The following TUSC3 variants were observed in gnomAD, a reference collection of about 807,000 sequenced individuals.
TUSC3 encodes the protein dolichyl-diphosphooligosaccharide--protein glycosyltransferase subunit TUSC3.
Under a neutral mutation model 44.8 loss-of-function variants are expected in TUSC3, and 45 were observed. That is an observed-to-expected ratio of 1.00 (90% confidence interval 0.79 to 1.29). The LOEUF (loss-of-function observed/expected upper bound fraction) is 1.29, where lower values mean the gene tolerates loss of function less well. Among genes scored for constraint, TUSC3 ranks in the 50% most tolerant of loss-of-function variants. The pLI is 0.00. For synonymous variants in TUSC3, 212 were observed against 152.9 expected (o/e 1.39, Z -2.85); for missense variants, 519 against 437.9 (o/e 1.19, Z -1.65).
intron 1 of TUSC3, among the ~76,000 whole-genome samples, chr8:15,556,693 A>G (rs1477213529): frequency 6.9e-6 from 1 of 145,220 alleles, no homozygotes; most frequent in Non-Finnish European, 1.5e-5. Context: ...AATGATTGCC[A>G]CTCTAACTGG....
intron 2 of TUSC3, among the ~76,000 whole-genome samples, chr8:15,511,390 G>A (rs1801133947): frequency 6.6e-6 from 1 of 152,084 alleles, no homozygotes; most frequent in Non-Finnish European, 1.5e-5. Context: ...AAATGTGATG[G>A]AATATACAAA....
chr8:15,636,683 C>T (rs1264334606), intron 2 of TUSC3, among the ~76,000 whole-genome samples: 1 of 152,160 alleles, frequency 6.6e-6, no homozygotes, highest in African/African-American at 2.4e-5. Context: ...TGCAGTGCAG[C>T]CTGTTGCATT....
intron 1 of TUSC3, among the ~76,000 whole-genome samples, chr8:15,586,865 G>A (rs565560611): frequency 9.2e-5 from 14 of 152,134 alleles, no homozygotes; most frequent in African/African-American, 3.4e-4. Context: ...GGCGTTATTG[G>A]GAACTTCCTG....
the TUSC3 span, among the ~76,000 whole-genome samples, chr8:15,817,614 C>A: frequency 3.9e-5 from 6 of 152,246 alleles, no homozygotes; most frequent in East Asian, 7.8e-4. Flanking sequence ...CACCTCTGCT[C>A]TGCACTTCTT....
intron 2 of TUSC3, among the ~76,000 whole-genome samples, chr8:15,523,094 A>C (rs2129129723): frequency 6.6e-6 from 1 of 152,264 alleles, no homozygotes; most frequent in Non-Finnish European, 1.5e-5. Flanking sequence ...AGTGCTACTA[A>C]GTCAATAAAG....
At chr8:15,627,602 G>T (rs73526629) in intron 2 of TUSC3, among the ~76,000 whole-genome samples, 1 of 152,252 alleles carries the variant, frequency 6.6e-6, no homozygotes, top group African/African-American at 2.4e-5. Flanking sequence ...AGCTTCCTGA[G>T]CCAGGGCTGT....
chr8:15,775,888 G>T, the TUSC3 span, among the ~76,000 whole-genome samples: 35,784 of 151,256 alleles, frequency 0.24, 4,711 homozygotes, highest in Admixed American at 0.42. Context: ...GCTTATTAGT[G>T]TGGAAAGCAA....
At chr8:15,620,375 G>A (rs1805191804) in intron 1 of TUSC3, among the ~76,000 whole-genome samples, 1 of 152,088 alleles carries the variant, frequency 6.6e-6, no homozygotes, top group Non-Finnish European at 1.5e-5. Context: ...ATTTGTAATG[G>A]GAAAATTACA....
At chr8:15,693,960 C>G (rs1809034141) in intron 6 of TUSC3, among the ~76,000 whole-genome samples, 1 of 152,026 alleles carries the variant, frequency 6.6e-6, no homozygotes, top group African/African-American at 2.4e-5. Flanking sequence ...TTCTGAAATT[C>G]TCTGAGTTTT....
chr8:15,823,469 T>C, the TUSC3 span, among the ~76,000 whole-genome samples: 2 of 152,204 alleles, frequency 1.3e-5, no homozygotes, highest in Non-Finnish European at 2.9e-5. Flanking sequence ...TCTCTAAGTT[T>C]CCCTAAATTT....
At chr8:15,457,197 T>TA (rs1800268225) in intron 1 of TUSC3, among the ~76,000 whole-genome samples, 1 of 148,902 alleles carries the variant, frequency 6.7e-6, no homozygotes, top group Non-Finnish European at 1.5e-5. Flanking sequence ...GGGTTAGCAT[T>TA]AGGAGATACA....
chr8:15,729,751 A>G (rs936331200), intron 6 of TUSC3, among the ~76,000 whole-genome samples: 1 of 152,054 alleles, frequency 6.6e-6, no homozygotes, highest in African/African-American at 2.4e-5. Context: ...AAAACTACCT[A>G]TCAGGTACTT....
intron 1 of TUSC3, among the ~76,000 whole-genome samples, chr8:15,422,856 T>C (rs187387200): frequency 1.3e-5 from 2 of 152,252 alleles, no homozygotes; most frequent in East Asian, 1.9e-4. Flanking sequence ...TTGTACAGGC[T>C]GGTCACAAAC....
intron 1 of TUSC3, among the ~76,000 whole-genome samples, chr8:15,446,431 G>A (rs1585792945): frequency 6.6e-6 from 1 of 152,050 alleles, no homozygotes; most frequent in Non-Finnish European, 1.5e-5. Context: ...ACTCCAGCCT[G>A]GGCAACATTG....
chr8:15,742,059 T>C (rs529566681), intron 7 of TUSC3, among the ~76,000 whole-genome samples: 1 of 152,332 alleles, frequency 6.6e-6, no homozygotes, highest in South Asian at 2.1e-4. Flanking sequence ...TAATTTAAAG[T>C]CTACAGACTA....
rs773732217 is a variant in TUSC3 at position 15,678,180 on chromosome 8, G to C, written c.798+4344G>C. ...AGGGAGCTGAGGTATATATACGCCA[G>C]ATCTCATCAGCCATTTGCTGAGTGC... On this transcript the variant is annotated intron_variant, in intron 6 of 10. Transcript: ENST00000503731. Among the ~76,000 whole-genome samples, 26 of 152,198 alleles carry C rather than the reference G, an allele frequency of 1.7e-4. 1 individual carries two copies. Among genetic ancestry groups the C allele is most frequent in the Non-Finnish European group, 1.5e-4 (10 of 68,042 alleles).
At chr8:15,748,737 T>C (rs1811532623) in intron 9 of TUSC3, 1 of 588,484 alleles carries the variant, frequency 1.7e-6, no homozygotes, top group African/African-American at 1.8e-5. Flanking sequence ...TTTTGAGGAC[T>C]TGAAAATTTT....
intron 1 of TUSC3, among the ~76,000 whole-genome samples, chr8:15,595,270 G>T (rs1563124480): frequency 2.0e-5 from 3 of 152,136 alleles, no homozygotes; most frequent in South Asian, 4.1e-4. Context: ...GCACTCAGCT[G>T]AATATTCAAG....
the TUSC3 span, among the ~76,000 whole-genome samples, chr8:15,803,167 T>G: frequency 6.6e-6 from 1 of 152,044 alleles, no homozygotes; most frequent in Admixed American, 6.6e-5. Context: ...GAGGGGTGAG[T>G]CATTTCCAAA....
Sources: allele counts gnomAD v4.1 joint callset (sites outside exome capture counted in the v4.1 genomes callset), GRCh38; gene constraint gnomAD v4.1.1; transcripts MANE v1.5; gene names NCBI Gene and HGNC (gene_info 2026-07-23, HGNC 2026-07-21).